The following IBTK variants were observed in gnomAD, a reference collection of about 807,000 sequenced individuals.
The protein encoded by IBTK is inhibitor of Bruton tyrosine kinase.
In IBTK, 83 loss-of-function variants were observed where a neutral mutation model predicts 154.9. The observed-to-expected ratio is 0.54, with a 90% CI of 0.45 to 0.64. The LOEUF (loss-of-function observed/expected upper bound fraction) is 0.64. Ranked by LOEUF, IBTK falls within the 30% of genes least tolerant of loss-of-function variation. IBTK has a pLI of 0.00. For synonymous variants in IBTK, 515 were observed against 536.1 expected (o/e 0.96, Z 0.54); for missense variants, 1,332 against 1,584.6 (o/e 0.84, Z 2.71).
At chr6:82,212,992 A>G (rs1015604259) in intron 12 of IBTK, among the ~76,000 whole-genome samples, 199 bp from the exon 13 acceptor site, 3 of 152,020 alleles carry the variant, frequency 2.0e-5, no homozygotes, top group African/African-American at 7.2e-5. Context: ...ATTAAACATT[A>G]CTGACAAAAG....
At chr6:82,215,736 G>A (rs150438757) in intron 11 of IBTK, among the ~76,000 whole-genome samples, 15 of 133,658 alleles carry the variant, frequency 1.1e-4, no homozygotes, top group South Asian at 9.5e-4. Flanking sequence ...AGAGTGAGCC[G>A]AGATTTTGCC....
In IBTK at chr6:82,240,584, G is replaced by C; in HGVS notation, c.-98C>G. ...AAGGTGCTATTGAGGAAGTTACAGA[G>C]AATAAATTACCTTTTTAGGATAATT... is the stretch of plus-strand genomic sequence containing the variant. On this transcript the variant is annotated 5_prime_UTR_variant, in exon 2 of 29. Coordinates refer to ENST00000306270, the MANE Select transcript of IBTK (RefSeq NM_015525.4). The C allele has an allele frequency of 1.1e-6, 1 of 918,654 alleles. No individual in the cohort carries two copies. Among genetic ancestry groups the C allele is most frequent in the Non-Finnish European group, 1.7e-6 (1 of 604,976 alleles). 56.9% of individuals were successfully genotyped at this position (918,654 alleles called of 1,614,324 possible). A position where few individuals can be genotyped will look rare whatever the true frequency, so the allele number is the denominator to read the frequency against.
intron 3 of IBTK, among the ~76,000 whole-genome samples, chr6:82,232,058 T>A (rs1770527157): frequency 9.0e-6 from 1 of 111,694 alleles, no homozygotes; most frequent in African/African-American, 3.5e-5. Flanking sequence ...TTTTTTTTGT[T>A]GTTGTTTTTT....
intron 4 of IBTK, among the ~76,000 whole-genome samples, chr6:82,230,242 A>G (rs575524678): frequency 6.6e-6 from 1 of 152,218 alleles, no homozygotes; most frequent in South Asian, 2.1e-4. Context: ...AAAACACTCC[A>G]AGCTCATATT....
chr6:82,187,627 A>T (rs1173865386), intron 25 of IBTK, among the ~76,000 whole-genome samples: 1 of 152,018 alleles, frequency 6.6e-6, no homozygotes, highest in Non-Finnish European at 1.5e-5. Context: ...AAAAAGAAAT[A>T]CTAGCAGTCA....
At chr6:82,200,749 TG>T in intron 19 of IBTK, 41 bp from the exon 20 acceptor site, 1 of 1,189,408 alleles carries the variant, frequency 8.4e-7, no homozygotes, top group Non-Finnish European at 1.1e-6. Context: ...ACAAAATCTG[TG>T]AAGTTTTTTT....
intron 8 of IBTK, among the ~76,000 whole-genome samples, chr6:82,222,312 C>A (rs569108730): frequency 6.6e-6 from 1 of 152,156 alleles, no homozygotes; most frequent in East Asian, 1.9e-4. Context: ...ATTTAAATCC[C>A]CAATTGTTTT....
intron 22 of IBTK, among the ~76,000 whole-genome samples, chr6:82,195,421 TA>T (rs1261301536): frequency 6.6e-6 from 1 of 151,606 alleles, no homozygotes; most frequent in Non-Finnish European, 1.5e-5. Flanking sequence ...ACTAAAAATA[TA>T]AAAAAATTAG....
At chr6:82,194,435 A>G in intron 23 of IBTK, 44 bp downstream of exon 23, 2 of 1,219,542 alleles carry the variant, frequency 1.6e-6, no homozygotes, top group Non-Finnish European at 2.2e-6. Context: ...AAAATGAATG[A>G]CATTTCTCAA....
chr6:82,173,867 C>T (rs968240826), intron 26 of IBTK, among the ~76,000 whole-genome samples: 3 of 151,856 alleles, frequency 2.0e-5, no homozygotes, highest in Admixed American at 1.3e-4. Context: ...TATAAAATAA[C>T]AGAACAGAAT....
intron 1 of IBTK, among the ~76,000 whole-genome samples, chr6:82,245,464 G>A (rs1465193866): frequency 6.6e-6 from 1 of 152,074 alleles, no homozygotes; most frequent in Admixed American, 6.5e-5. Context: ...GGCTGAGGTG[G>A]GAGGATCACT....
chr6:82,218,442 C>T (rs1198725051), intron 9 of IBTK, among the ~76,000 whole-genome samples: 1 of 152,080 alleles, frequency 6.6e-6, no homozygotes, highest in Non-Finnish European at 1.5e-5. Flanking sequence ...TGCTACAATG[C>T]TAAAGAAAAA....
intron 2 of IBTK, among the ~76,000 whole-genome samples, chr6:82,234,668 T>A (rs924589052): frequency 6.6e-6 from 1 of 152,012 alleles, no homozygotes; most frequent in African/African-American, 2.4e-5. Flanking sequence ...AAAAGTCAGA[T>A]AATCAACCCC....
At chr6:82,180,666 A>G (rs1421063625) in intron 26 of IBTK, among the ~76,000 whole-genome samples, 2 of 152,334 alleles carry the variant, frequency 1.3e-5, no homozygotes, top group East Asian at 3.9e-4. Flanking sequence ...AAACGGCTCA[A>G]GAACTTTCCG....
At chr6:82,212,156 G>A (rs1425115905) in intron 13 of IBTK, among the ~76,000 whole-genome samples, 4 of 151,926 alleles carry the variant, frequency 2.6e-5, no homozygotes, top group East Asian at 1.9e-4. Flanking sequence ...CACTATGCCC[G>A]GCTAATTTTT....
rs778392876 is a variant in IBTK, at chr6:82,224,112, G to C, written c.899C>G (p.Thr300Ser). The part of the protein sequence containing the change: ...AAGRFHTVLW[T>S]REAVYTMGLN... ...TCCCATAGTGTAAACAGCTTCTCTA[G>C]TCCATAGGACTGTATGAAACCTGCC... The change falls in exon 7 of 29, where the codon ACT becomes AGT. Residue 300 changes from threonine to serine, a missense_variant. Transcript: ENST00000306270. 1.4e-5 allele frequency: 22 copies of C among 1,612,872 alleles called. No individual in the cohort carries two copies. Among genetic ancestry groups the C allele is most frequent in the Non-Finnish European group, 1.8e-5 (21 of 1,179,106 alleles).
At chr6:82,194,213 T>A (rs1035873984) in intron 23 of IBTK, among the ~76,000 whole-genome samples, 1 of 152,138 alleles carries the variant, frequency 6.6e-6, no homozygotes, top group Admixed American at 6.5e-5. Flanking sequence ...TAACTACTGA[T>A]ACTAAGTTTC....
At chr6:82,187,648 G>A (rs897423127) in intron 25 of IBTK, among the ~76,000 whole-genome samples, 1 of 152,106 alleles carries the variant, frequency 6.6e-6, no homozygotes, top group Non-Finnish European at 1.5e-5. Context: ...TCAGGTGGGT[G>A]ACAGTAAAGA....
At position 82,224,173 on chromosome 6, in the gene IBTK, A is replaced by G. The variant is rs1770208598; in HGVS notation, c.838T>C (p.Tyr280His). ...CCAATGATTGTCCTTCCTTTCAGATATTTTGCCTGTATCTATTTAAAGACA... is the reference window on the plus strand; with the variant it reads ...CCAATGATTGTCCTTCCTTTCAGATGTTTTGCCTGTATCTATTTAAAGACA... ...CNVPRQIQAKYLKGRTIIGVA... is the reference protein window; with the variant it reads ...CNVPRQIQAKHLKGRTIIGVA... Residue 280 changes from tyrosine to histidine, a missense_variant, in exon 7 of 29, where the codon TAT becomes CAT. Physicochemically the swap from Tyr to His is moderately conservative, Grantham distance 83 (BLOSUM62 2). This residue lies in a region of IBTK where 1,134 missense variants were observed against 1,274.7 expected (regional missense o/e 0.89). Coordinates refer to ENST00000306270, the MANE Select transcript of IBTK (RefSeq NM_015525.4). The G allele has an allele frequency of 6.2e-7, 1 of 1,613,258 alleles. No individual in the cohort carries two copies. Among genetic ancestry groups the G allele is most frequent in the Non-Finnish European group, 8.5e-7 (1 of 1,179,246 alleles).
Sources: gnomAD v4.1 joint callset for allele counts (sites outside exome capture counted in the v4.1 genomes callset) on GRCh38, gnomAD v4.1.1 for gene constraint, gnomAD v4.1.1 regional missense constraint, MANE v1.5 for transcripts, NCBI Gene and HGNC (gene_info 2026-07-23, HGNC 2026-07-21) for gene names.